GPBP1L1: variants seen among roughly 807,000 people sequenced by gnomAD.
The protein encoded by GPBP1L1 is GC-rich promoter binding protein 1 like 1.
GPBP1L1 carries 23 observed loss-of-function variants against 52.5 expected under a neutral mutation model. The ratio of observed to expected loss-of-function variants is 0.44; its 90% CI spans 0.32 to 0.62. The LOEUF is 0.62. GPBP1L1 is among the 20% of genes least tolerant of loss of function. GPBP1L1 has a pLI of 0.06. For missense variants in GPBP1L1, 596 were observed against 579.3 expected (o/e 1.03, Z -0.30); for synonymous variants, 243 against 203.1 (o/e 1.20, Z -1.67).
intron 2 of GPBP1L1, among the ~76,000 whole-genome samples, chr1:45,683,139 A>G (rs1277906908): frequency 6.6e-6 from 1 of 150,742 alleles, no homozygotes; most frequent in Non-Finnish European, 1.5e-5. Flanking sequence ...TCATGTTTAA[A>G]GGCAGTGACC....
intron 3 of GPBP1L1, among the ~76,000 whole-genome samples, chr1:45,659,939 T>A (rs1040078518): frequency 4.6e-5 from 7 of 152,006 alleles, no homozygotes; most frequent in Non-Finnish European, 8.8e-5. Flanking sequence ...AGACCCTGCC[T>A]CAAGATGGGG....
chr1:45,651,364 C>CA, intron 6 of GPBP1L1: 1 of 376,282 alleles, frequency 2.7e-6, no homozygotes, highest in South Asian at 2.2e-5. Context: ...ATGCAATCAC[C>CA]ACTAGCTGAG....
At position 45,654,664 on chromosome 1, in the gene GPBP1L1, T is replaced by C. The variant is rs374921859; in HGVS notation, c.356A>G (p.His119Arg). 6.2e-7 allele frequency: 1 copy of C among 1,614,180 alleles called. No individual in the cohort carries two copies. Among genetic ancestry groups the C allele is most frequent in the Non-Finnish European group, 8.5e-7 (1 of 1,180,022 alleles). ...CCGGGAGTGGAAGCTGCCATTCCAA[T>C]GGCGATGGTTCCCTGTGCCACCTCC... ...RSGGGTGNHR[H>R]WNGSFHSRKG... Residue 119 changes from histidine to arginine, a missense_variant, in exon 6 of 13, where the codon CAT becomes CGT. Physicochemically the swap from His to Arg is conservative, Grantham distance 29. Transcript: ENST00000355105.
rs182585489 is a variant in GPBP1L1, at chr1:45,669,117, A to G, written c.-1097-7892T>C. ...TCTATACTATATAAAACAATTAAAA[A>G]GCATTGTCCTCTCTGTAACACCATT... On this transcript the variant is annotated intron_variant, in intron 2 of 12. Coordinates refer to ENST00000355105, the MANE Select transcript of GPBP1L1 (RefSeq NM_021639.5). Among the ~76,000 whole-genome samples the G allele has an allele frequency of 5.4e-4, 82 of 152,370 alleles. 1 individual carries two copies. Among genetic ancestry groups the G allele is most frequent in the African/African-American group, 1.9e-3 (77 of 41,584 alleles).
intron 2 of GPBP1L1, among the ~76,000 whole-genome samples, chr1:45,668,650 C>T (rs977348733): frequency 2.0e-5 from 3 of 152,154 alleles, no homozygotes; most frequent in African/African-American, 7.2e-5. Context: ...GAGCAAGACT[C>T]TGTCTCAAAA....
intron 2 of GPBP1L1, among the ~76,000 whole-genome samples, chr1:45,684,390 C>T (rs1207395818): frequency 6.6e-6 from 1 of 151,950 alleles, no homozygotes; most frequent in Non-Finnish European, 1.5e-5. Flanking sequence ...GATATGCAAT[C>T]TTCTGAAGTA....
intron 2 of GPBP1L1, among the ~76,000 whole-genome samples, chr1:45,674,606 GC>G (rs1645116586): frequency 6.6e-6 from 1 of 152,188 alleles, no homozygotes; most frequent in African/African-American, 2.4e-5. Context: ...TGTGATCTTT[GC>G]CCAGGCTAGC....
chr1:45,634,348 G>T, intron 8 of GPBP1L1, 112 bp from the exon 9 acceptor site: 1 of 1,105,524 alleles, frequency 9.0e-7, no homozygotes, highest in Non-Finnish European at 1.2e-6. Flanking sequence ...AGTTTCCAGG[G>T]CTTACCTGTC....
intron 6 of GPBP1L1, chr1:45,646,000 T>A: frequency 2.0e-6 from 1 of 508,232 alleles, no homozygotes; most frequent in South Asian, 1.4e-5. Flanking sequence ...TTGTTTAGCC[T>A]GCCTGTGAGG....
chr1:45,674,031 T>A (rs60199320), intron 2 of GPBP1L1, among the ~76,000 whole-genome samples: 3 of 152,126 alleles, frequency 2.0e-5, no homozygotes, highest in African/African-American at 7.2e-5. Flanking sequence ...TGAGCCGAGA[T>A]TGTGCCATTG....
chr1:45,668,360 A>C lies in GPBP1L1; in HGVS notation c.-1097-7135T>G, dbSNP rs80216636. Among the ~76,000 whole-genome samples the C allele has an allele frequency of 7.3e-3, 1,106 of 152,294 alleles. 9 individuals are homozygous for C. The highest frequency in any genetic ancestry group is 0.032 in the South Asian group (154 of 4,826). On this transcript the variant is annotated intron_variant, in intron 2 of 12. Coordinates refer to ENST00000355105, the MANE Select transcript of GPBP1L1 (RefSeq NM_021639.5). Reference sequence around the variant, plus strand: ...TAATAAATTAAATTGCACACTTAAAAACAGAACACCTAGCCAGGTGCAGTG... The same window carrying C: ...TAATAAATTAAATTGCACACTTAAACACAGAACACCTAGCCAGGTGCAGTG...
In GPBP1L1 at chr1:45,660,795, C is replaced by T. The variant is rs1490435123; in HGVS notation, c.-667G>A. 9.2e-5 allele frequency: 14 copies of T among 152,218 alleles called. No homozygotes were observed. The highest frequency in any genetic ancestry group is 5.9e-4 in the Admixed American group (9 of 15,256). The allele number at this position is 152,218 out of a possible 1,614,324, so 9.4% of individuals were successfully genotyped here. A position where few individuals can be genotyped will look rare whatever the true frequency, so the allele number is the denominator to read the frequency against. On this transcript the variant is annotated 5_prime_UTR_variant, in exon 3 of 13. Coordinates refer to ENST00000355105, the MANE Select transcript of GPBP1L1 (RefSeq NM_021639.5). The stretch of plus-strand genomic sequence containing the variant: ...GATATGTATTTATATTTGCCTTAAC[C>T]TTCAAAATCTAGGGACATAAATCTT...
At chr1:45,670,777 T>C (rs1472748950) in intron 2 of GPBP1L1, among the ~76,000 whole-genome samples, 3 of 149,064 alleles carry the variant, frequency 2.0e-5, no homozygotes, top group East Asian at 2.0e-4. Context: ...TCTACACTAC[T>C]ACCATATGTC....
chr1:45,651,643 C>A, intron 6 of GPBP1L1: 1 of 686,486 alleles, frequency 1.5e-6, no homozygotes, highest in South Asian at 1.5e-5. Context: ...GCTGCTGCAA[C>A]CTGATATAGC....
At position 45,648,745 on chromosome 1, in the gene GPBP1L1, G is replaced by T. The variant is rs535529726; in HGVS notation, c.477+5798C>A. Among the ~76,000 whole-genome samples, 87 of 152,274 alleles carry T rather than the reference G, an allele frequency of 5.7e-4. No homozygotes were observed. The South Asian group carries it at 0.012, about 20-fold the overall frequency. On this transcript the variant is annotated intron_variant, in intron 6 of 12. Transcript: ENST00000355105. ...TTAACTTTACTTTAAAATAATTTCA[G>T]GGCTGAGCACAGTGGCTCACGCCTG... is the stretch of plus-strand genomic sequence containing the variant.
intron 6 of GPBP1L1, among the ~76,000 whole-genome samples, chr1:45,652,632 T>C (rs577598859): frequency 1.3e-5 from 2 of 152,228 alleles, no homozygotes; most frequent in Non-Finnish European, 2.9e-5. Context: ...ATACAAATTA[T>C]GTTAAAATCA....
chr1:45,638,387 A>G (rs1644623358), intron 8 of GPBP1L1, among the ~76,000 whole-genome samples: 1 of 152,226 alleles, frequency 6.6e-6, no homozygotes, highest in Non-Finnish European at 1.5e-5. Flanking sequence ...CCCTAAAAAC[A>G]TCAACTCAAA....
At position 45,684,772 on chromosome 1, in the gene GPBP1L1, T is replaced by C. The variant is rs541880733; in HGVS notation, c.-1098+804A>G. ...TGTAATTTCTATTAAAAACTTTAAATATTTTTCCTGTAAAACCACCAAAAT... is the reference window on the plus strand; with the variant it reads ...TGTAATTTCTATTAAAAACTTTAAACATTTTTCCTGTAAAACCACCAAAAT... On this transcript the variant is annotated intron_variant, in intron 2 of 12. Transcript: ENST00000355105. Among the ~76,000 whole-genome samples, 4 of 152,248 alleles carry C rather than the reference T, an allele frequency of 2.6e-5. No individual in the cohort carries two copies. The East Asian group carries it at 7.7e-4, about 29-fold the overall frequency.
At chr1:45,670,773 C>T (rs1389554364) in intron 2 of GPBP1L1, among the ~76,000 whole-genome samples, 1 of 150,314 alleles carries the variant, frequency 6.7e-6, no homozygotes, top group Non-Finnish European at 1.5e-5. Flanking sequence ...TATTTCTACA[C>T]TACTACCATA....
Sources: allele counts gnomAD v4.1 joint callset (sites outside exome capture counted in the v4.1 genomes callset), GRCh38; gene constraint gnomAD v4.1.1; transcripts MANE v1.5; gene names NCBI Gene and HGNC (gene_info 2026-07-23, HGNC 2026-07-21).